Variants in IPO13 observed in about 807,000 individuals in gnomAD.
IPO13 encodes the protein importin-13.
Under a neutral mutation model 115.5 loss-of-function variants are expected in IPO13, and 28 were observed. The observed-to-expected ratio is 0.24, with a 90% CI of 0.18 to 0.33. IPO13 has a LOEUF of 0.33. Among genes scored for constraint, IPO13 ranks in the 10% least tolerant of loss-of-function variants. The pLI is 1.00. For synonymous variants in IPO13, 414 were observed against 478.9 expected (o/e 0.86, Z 1.77); for missense variants, 785 against 1,204.6 (o/e 0.65, Z 5.16).
In IPO13 at chr1:43,949,498, C is replaced by T; in HGVS notation, c.166C>T (p.Pro56Ser). Residue 56 changes from proline to serine, a missense_variant, in exon 2 of 20, where the codon CCA becomes TCA. Transcript: ENST00000372343. ...QKWLMQAQVS[P>S]QAWHFSWQLL... ...GTGGCTGATGCAGGCCCAGGTCTCC[C>T]CACAGGCCTGGCACTTCAGCTGGCA... 6.2e-7 allele frequency: 1 copy of T among 1,614,102 alleles called. No individual in the cohort carries two copies. Among genetic ancestry groups the T allele is most frequent in the Non-Finnish European group, 8.5e-7 (1 of 1,179,982 alleles).
chr1:43,949,792 G>A lies in IPO13; in HGVS notation c.460G>A (p.Asp154Asn), dbSNP rs1271059914. Residue 154 changes from aspartate (D) to asparagine (N), a missense_variant, in exon 2 of 20, where the codon GAC (aspartate) becomes AAC (asparagine). Transcript: ENST00000372343. The stretch of plus-strand genomic sequence containing the variant: ...TATGGTACGACTCTTCCAGGCTGAG[G>A]ACTCACCAGTGGATGGGCAGGGCCG... ...ADMVRLFQAE[D>N]SPVDGQGRCL... 1 of 1,614,132 alleles carries A rather than the reference G, an allele frequency of 6.2e-7. No individual in the cohort carries two copies. The highest frequency in any genetic ancestry group is 2.2e-5 in the East Asian group (1 of 44,882).
rs1297831662 is a variant in IPO13 at position 43,958,198 on chromosome 1, A to C, written c.1722+40A>C. ...TGGATGGTGCTGGGCCTCAGAGCAC[A>C]CTCTGCACTGTGCTGATACTACATT... is the stretch of plus-strand genomic sequence containing the variant. On this transcript the variant is annotated intron_variant, in intron 8 of 19. Coordinates refer to ENST00000372343, the MANE Select transcript of IPO13 (RefSeq NM_014652.4). The surrounding 1 kb of genome is among the most constrained non-coding windows in gnomAD (Gnocchi z 6.3). The C allele has an allele frequency of 5.6e-6, 9 of 1,613,792 alleles. No homozygotes were observed. Among genetic ancestry groups the C allele is most frequent in the Non-Finnish European group, 5.1e-6 (6 of 1,179,890 alleles).
Position 43,967,980 on chromosome 1 carries a change from GTCA to G in IPO13, c.*302_*304del. ...CTTGGGGCGGGGTGGTTGCAGTAGT[GTCA>G]TCAACCCCCCCATCCCCATTAAATT... is the stretch of plus-strand genomic sequence containing the variant. On this transcript the variant is annotated 3_prime_UTR_variant, in exon 20 of 20. Coordinates refer to ENST00000372343, the MANE Select transcript of IPO13 (RefSeq NM_014652.4). This position sits in a 1 kb window ranked among gnomAD's most constrained non-coding sequence, Gnocchi z 6.1. The G allele has an allele frequency of 2.0e-6, 1 of 505,182 alleles. No homozygotes were observed. The highest frequency in any genetic ancestry group is 3.6e-6 in the Non-Finnish European group (1 of 279,376). The allele number at this position is 505,182 out of a possible 1,614,324, so 31.3% of individuals were successfully genotyped here. A position where few individuals can be genotyped will look rare whatever the true frequency, so the allele number is the denominator to read the frequency against.
rs540628359 is a variant in IPO13 at position 43,958,986 on chromosome 1, A to C, written c.2028+97A>C. 4 of 1,233,918 alleles carry C rather than the reference A, an allele frequency of 3.2e-6. 1 individual carries two copies. The South Asian group carries it at 5.4e-5, about 17-fold the overall frequency. 76.4% of individuals were successfully genotyped at this position (1,233,918 alleles called of 1,614,324 possible). A position where few individuals can be genotyped will look rare whatever the true frequency, so the allele number is the denominator to read the frequency against. ...ATTGTCACTCTTCAATTCTGTGGGT[A>C]ATGTTGTCATTGTTCTCCCTGCCCC... is the stretch of plus-strand genomic sequence containing the variant. On this transcript the variant is annotated intron_variant, in intron 11 of 19. Coordinates refer to ENST00000372343, the MANE Select transcript of IPO13 (RefSeq NM_014652.4). This position sits in a 1 kb window ranked among gnomAD's most constrained non-coding sequence, Gnocchi z 6.3.
rs2085173295 is a variant in IPO13, at chr1:43,947,260, G to A, written c.-341G>A. On this transcript the variant is annotated 5_prime_UTR_variant, in exon 1 of 20. Transcript: ENST00000372343. ...TGACCCCTCAAGAGCCAGGGACTCG[G>A]TTTCCCCCGCAGGCCTCCCTCCCCT... 5.0e-6 allele frequency: 2 copies of A among 398,950 alleles called. No individual in the cohort carries two copies. The highest frequency in any genetic ancestry group is 3.6e-5 in the East Asian group (1 of 28,080). 24.7% of individuals were successfully genotyped at this position (398,950 alleles called of 1,614,324 possible). A position where few individuals can be genotyped will look rare whatever the true frequency, so the allele number is the denominator to read the frequency against.
chr1:43,947,785 G>A lies in IPO13; in HGVS notation c.84+101G>A, dbSNP rs1571759933. 1.2e-5 allele frequency: 7 copies of A among 580,732 alleles called. No individual in the cohort carries two copies. In the East Asian group the frequency reaches 2.4e-4, roughly 20 times the overall value. The allele number at this position is 580,732 out of a possible 1,614,324, so 36.0% of individuals were successfully genotyped here. A position where few individuals can be genotyped will look rare whatever the true frequency, so the allele number is the denominator to read the frequency against. On this transcript the variant is annotated intron_variant, in intron 1 of 19. Coordinates refer to ENST00000372343, the MANE Select transcript of IPO13 (RefSeq NM_014652.4). ...GCCTGGGCTGGGTGCCCGCTGGTAT[G>A]GTGCCCCCAGAGCACCTGGCATTTG...
At chr1:43,957,908 C>T in intron 7 of IPO13, 69 bp from the exon 8 acceptor site, 1 of 1,476,170 alleles carries the variant, frequency 6.8e-7, no homozygotes, top group East Asian at 2.3e-5. Flanking sequence ...ACTCTGCTTG[C>T]CTCAGAGACA....
chr1:43,956,571 A>G lies in IPO13; in HGVS notation c.974A>G (p.Asp325Gly). ...LGENHSRALL[D>G]QVEHWQSFLA... is the part of the protein sequence containing the mutation. ...GACTCTCTCCCCAGGGCCTTGCTGG[A>G]CCAAGTAGAGCACTGGCAGAGTTTC... Residue 325 changes from aspartate (D) to glycine (G), a missense_variant, in exon 4 of 20, where the codon GAC becomes GGC. By Grantham distance (94) the Asp-to-Gly change is moderately conservative. This residue lies in a region of IPO13 where 325 missense variants were observed against 449.8 expected (regional missense o/e 0.72). Transcript: ENST00000372343. The surrounding 1 kb of genome is among the most constrained non-coding windows in gnomAD (Gnocchi z 4.7). The G allele has an allele frequency of 6.2e-7, 1 of 1,614,204 alleles. No homozygotes were observed. Among genetic ancestry groups the G allele is most frequent in the Non-Finnish European group, 8.5e-7 (1 of 1,180,040 alleles).
rs1316050137 is a variant in IPO13, at chr1:43,946,999, T to C, written c.-602T>C. The C allele has an allele frequency of 2.5e-5, 10 of 398,584 alleles. No homozygotes were observed. The highest frequency in any genetic ancestry group is 4.4e-5 in the Admixed American group (1 of 22,724). The allele number at this position is 398,584 out of a possible 1,614,324, so 24.7% of individuals were successfully genotyped here. On this transcript the variant is annotated 5_prime_UTR_variant, in exon 1 of 20. Transcript: ENST00000372343. ...GGAGGCAGCGGCTGTAGCGGGGCTG[T>C]AGCCGGGCGTTGAGCACAGCGCGGG...
At chr1:43,961,336 C>A in intron 14 of IPO13, 74 bp downstream of exon 14, 1 of 1,201,096 alleles carries the variant, frequency 8.3e-7, no homozygotes, top group Non-Finnish European at 1.2e-6. Flanking sequence ...GGAGCCAAAG[C>A]TGCCCACTCT....
At chr1:43,960,592 T>C (rs2085282594) in intron 12 of IPO13, among the ~76,000 whole-genome samples, 1 of 152,206 alleles carries the variant, frequency 6.6e-6, no homozygotes, top group South Asian at 2.1e-4. Context: ...TTTGGTCCCT[T>C]TTCAATTCAG....
intron 12 of IPO13, 59 bp from the exon 13 acceptor site, chr1:43,960,817 C>G: frequency 6.2e-7 from 1 of 1,601,260 alleles, no homozygotes. Flanking sequence ...TGCAGGGCTT[C>G]AGCGCTGTTC....
intron 13 of IPO13, 31 bp downstream of exon 13, chr1:43,961,044 A>C: frequency 3.1e-6 from 5 of 1,612,654 alleles, no homozygotes; most frequent in Non-Finnish European, 4.2e-6. Context: ...AGAGATCCTG[A>C]CCCTGGGTGG....
rs551250779 is a variant in IPO13, at chr1:43,957,422, C to T, written c.1413C>T (p.Tyr471=). Residue 471 remains tyrosine (Y), a synonymous_variant, in exon 7 of 20, where the codon TAC becomes TAT. Transcript: ENST00000372343. The part of the protein sequence containing the change: ...YSWQHTEALL[Y]GFQSIAETID... The stretch of plus-strand genomic sequence containing the variant: ...CCCAGCACACAGAGGCCCTCCTCTA[C>T]GGCTTCCAATCCATCGCAGAGACCA... 3.7e-5 allele frequency: 60 copies of T among 1,614,198 alleles called. 1 individual carries two copies. Among genetic ancestry groups the T allele is most frequent in the South Asian group, 2.0e-4 (18 of 91,084 alleles).
rs1187666427 is a variant in IPO13 at position 43,949,404 on chromosome 1, T to TGCTGTCCTGC, written c.85-12_85-3dup. 1 of 1,585,268 alleles carries TGCTGTCCTGC rather than the reference T, an allele frequency of 6.3e-7. No individual in the cohort carries two copies. The highest frequency in any genetic ancestry group is 1.2e-5 in the South Asian group (1 of 86,280). The stretch of plus-strand genomic sequence containing the variant: ...AGTGGCCAGCACCTGCTCAGTCCTG[T>TGCTGTCCTGC]GCTGTCCTGCAGGCGCTGCACCAGC... On this transcript the variant is annotated splice_polypyrimidine_tract_variant and intron_variant, in intron 1 of 19. Transcript: ENST00000372343.
intron 2 of IPO13, among the ~76,000 whole-genome samples, chr1:43,955,791 A>C (rs931941636): frequency 6.6e-6 from 1 of 152,118 alleles, no homozygotes; most frequent in Middle Eastern, 3.2e-3. Flanking sequence ...ACTTAATTTG[A>C]CCCATGACAG....
rs2085248629 is a variant in IPO13, at chr1:43,956,410, C to T, written c.912C>T (p.Thr304=). 8.7e-6 allele frequency: 14 copies of T among 1,614,214 alleles called. No individual in the cohort carries two copies. The highest frequency in any genetic ancestry group is 4.5e-5 in the East Asian group (2 of 44,884). Residue 304 remains threonine (T), a synonymous_variant, in exon 3 of 20, where the codon ACC becomes ACT. Coordinates refer to ENST00000372343, the MANE Select transcript of IPO13 (RefSeq NM_014652.4). This position sits in a 1 kb window ranked among gnomAD's most constrained non-coding sequence, Gnocchi z 4.7. ...RQAVQNGDME[T]SHGICRIAVA... is the part of the protein sequence containing the mutation. ...CAGTGCAGAATGGGGACATGGAGAC[C>T]TCCCATGGCATCTGTCGCATCGCTG...
At chr1:43,960,464 G>T in intron 12 of IPO13, 135 bp downstream of exon 12, 1 of 780,146 alleles carries the variant, frequency 1.3e-6, no homozygotes. Context: ...ATAGAGATAA[G>T]GAATCTTTTG....
intron 14 of IPO13, among the ~76,000 whole-genome samples, chr1:43,963,018 G>A (rs901081864): frequency 6.6e-6 from 1 of 152,210 alleles, no homozygotes; most frequent in African/African-American, 2.4e-5. Flanking sequence ...GGTGGCTGCT[G>A]AATATCAAAC....
Sources: allele counts gnomAD v4.1 joint callset (sites outside exome capture counted in the v4.1 genomes callset), GRCh38; gene constraint gnomAD v4.1.1; regional missense constraint gnomAD v4.1.1; non-coding constraint Gnocchi (gnomAD v3.1); transcripts MANE v1.5; gene names NCBI Gene and HGNC (gene_info 2026-07-23, HGNC 2026-07-21).